Variants in LINGO2 observed in about 807,000 individuals in gnomAD.
The protein encoded by LINGO2 is leucine rich repeat and Ig domain containing 2.
Under a neutral mutation model 30.6 loss-of-function variants are expected in LINGO2, and 14 were observed. The observed-to-expected ratio is 0.46, with a 90% confidence interval of 0.30 to 0.72. LINGO2 has a LOEUF of 0.72. Among genes scored for constraint, LINGO2 ranks in the 30% least tolerant of loss-of-function variants. The probability of loss-of-function intolerance (pLI) is 0.07; values close to 1 mark genes in which losing one functional copy is unlikely to be tolerated. For missense variants in LINGO2, 729 were observed against 751.7 expected, an observed-to-expected ratio of 0.97 and a Z score of 0.35; for synonymous variants, 317 against 288.5, an observed-to-expected ratio of 1.10 and a Z score of -1.00.
At position 28,632,845 on chromosome 9, in the gene LINGO2, AT is replaced by A. The variant is rs1450022710; in HGVS notation, c.-365+37354del. On this transcript the variant is annotated intron_variant, in intron 1 of 5. Transcript: ENST00000379992. ...TATTATATATTATATATATAAATCT[AT>A]ATATATTTTTTATATATATATATAT... is the stretch of plus-strand genomic sequence containing the variant. 1.3e-4 allele frequency among the ~76,000 whole-genome samples: 10 copies of A among 74,126 alleles called. No individual in the cohort carries two copies. In the Admixed American group the frequency reaches 1.5e-3, roughly 11 times the overall value. The allele number at this position is 74,126 out of a possible 152,430, so 48.6% of individuals were successfully genotyped here. A position where few individuals can be genotyped will look rare whatever the true frequency, so the allele number is the denominator to read the frequency against.
chr9:28,641,488 A>C (rs1476110307), intron 1 of LINGO2, among the ~76,000 whole-genome samples: 1 of 152,168 alleles, frequency 6.6e-6, no homozygotes, highest in Non-Finnish European at 1.5e-5. Flanking sequence ...ACATAGCCCA[A>C]TATACCATTG....
chr9:28,151,717 G>C (rs764871309), intron 4 of LINGO2, among the ~76,000 whole-genome samples: 2 of 151,760 alleles, frequency 1.3e-5, no homozygotes, highest in African/African-American at 2.4e-5. Context: ...ACTTTTAAGA[G>C]TTTTTTTATA....
At chr9:28,813,511 C>T in the LINGO2 span, among the ~76,000 whole-genome samples, 1 of 152,092 alleles carries the variant, frequency 6.6e-6, no homozygotes, top group African/African-American at 2.4e-5. Context: ...AACGAGAGAA[C>T]TACTGTACAA....
intron 1 of LINGO2, among the ~76,000 whole-genome samples, chr9:28,656,217 T>G (rs1364428206): frequency 6.6e-6 from 1 of 151,958 alleles, no homozygotes; most frequent in African/African-American, 2.4e-5. Flanking sequence ...GCAAGAAATT[T>G]TAAAGTATTT....
chr9:28,763,058 C>A, the LINGO2 span, among the ~76,000 whole-genome samples: 1 of 152,026 alleles, frequency 6.6e-6, no homozygotes, highest in Non-Finnish European at 1.5e-5. Context: ...CAACCGAAGT[C>A]AAAATATGAA....
At chr9:28,995,895 A>C in the LINGO2 span, among the ~76,000 whole-genome samples, 1 of 151,732 alleles carries the variant, frequency 6.6e-6, no homozygotes, top group Admixed American at 6.6e-5. Flanking sequence ...GGGGAGGGAT[A>C]GCATTAGGAG....
chr9:29,171,372 T>G, the LINGO2 span, among the ~76,000 whole-genome samples: 1 of 152,230 alleles, frequency 6.6e-6, no homozygotes, highest in Non-Finnish European at 1.5e-5. Context: ...ATTTAAAGTC[T>G]TAGAACTTGA....
chr9:28,934,305 G>A, the LINGO2 span, among the ~76,000 whole-genome samples: 1 of 152,200 alleles, frequency 6.6e-6, no homozygotes, highest in African/African-American at 2.4e-5. Context: ...TGCCCAGATA[G>A]TGGCAGTCAT....
intron 2 of LINGO2, among the ~76,000 whole-genome samples, chr9:28,383,301 C>T (rs1005529468): frequency 1.7e-4 from 23 of 139,280 alleles, no homozygotes; most frequent in South Asian, 6.8e-4. Context: ...TAAGATTCTA[C>T]GTTTCTGCTC....
chr9:28,767,249 T>G, the LINGO2 span, among the ~76,000 whole-genome samples: 1 of 152,170 alleles, frequency 6.6e-6, no homozygotes, highest in South Asian at 2.1e-4. Context: ...TGCTCTTTCC[T>G]TACTAAAAAA....
the LINGO2 span, among the ~76,000 whole-genome samples, chr9:28,700,976 G>A: frequency 1.3e-5 from 2 of 151,896 alleles, no homozygotes; most frequent in Admixed American, 6.6e-5. Flanking sequence ...AATCTGTTTA[G>A]GTCTTTTGCC....
chr9:28,485,516 T>C (rs1450750146), intron 1 of LINGO2, among the ~76,000 whole-genome samples: 1 of 152,110 alleles, frequency 6.6e-6, no homozygotes, highest in Non-Finnish European at 1.5e-5. Flanking sequence ...AAGCTCATTA[T>C]AGCCTGAAGA....
intron 4 of LINGO2, among the ~76,000 whole-genome samples, chr9:28,193,008 C>T (rs1187279220): frequency 3.3e-5 from 5 of 152,158 alleles, no homozygotes; most frequent in South Asian, 2.1e-4. Flanking sequence ...TATGTCATAA[C>T]GTATAGTGCT....
intron 4 of LINGO2, among the ~76,000 whole-genome samples, chr9:28,153,959 A>G (rs898601912): frequency 1.3e-5 from 2 of 152,214 alleles, no homozygotes; most frequent in African/African-American, 2.4e-5. Flanking sequence ...TCACTTTTAC[A>G]TACACATTTG....
At chr9:28,486,725 G>A (rs1826180105) in intron 1 of LINGO2, among the ~76,000 whole-genome samples, 1 of 151,680 alleles carries the variant, frequency 6.6e-6, no homozygotes, top group Admixed American at 6.6e-5. Flanking sequence ...AAAAAATCTT[G>A]GGTTGACCCT....
At chr9:29,160,988 C>T in the LINGO2 span, among the ~76,000 whole-genome samples, 1 of 152,214 alleles carries the variant, frequency 6.6e-6, no homozygotes, top group African/African-American at 2.4e-5. Context: ...CAGCATGGCT[C>T]GGGCTGGCGC....
At chr9:29,056,507 C>A in the LINGO2 span, among the ~76,000 whole-genome samples, 1 of 152,056 alleles carries the variant, frequency 6.6e-6, no homozygotes, top group South Asian at 2.1e-4. Flanking sequence ...TCATCAGATG[C>A]ACAGTTTGTG....
intron 3 of LINGO2, among the ~76,000 whole-genome samples, chr9:28,342,294 T>C (rs1247913469): frequency 6.6e-6 from 1 of 152,122 alleles, no homozygotes; most frequent in African/African-American, 2.4e-5. Flanking sequence ...ATTCCCATCG[T>C]CATATAAGTA....
chr9:28,723,122 C>T, the LINGO2 span, among the ~76,000 whole-genome samples: 1 of 152,082 alleles, frequency 6.6e-6, no homozygotes, highest in Non-Finnish European at 1.5e-5. Context: ...AAGATCAATG[C>T]TTTTCAAACT....
Sources: gnomAD v4.1 joint callset for allele counts (sites outside exome capture counted in the v4.1 genomes callset) on GRCh38, gnomAD v4.1.1 for gene constraint, MANE v1.5 for transcripts, NCBI Gene and HGNC (gene_info 2026-07-23, HGNC 2026-07-21) for gene names.